GLCCI1: variants seen among roughly 807,000 people sequenced by gnomAD.
GLCCI1 encodes glucocorticoid-induced transcript 1 protein.
A neutral mutation model predicts 52.2 loss-of-function variants in GLCCI1; 24 were observed. The ratio of observed to expected loss-of-function variants is 0.46; its 90% CI spans 0.33 to 0.65. The LOEUF is 0.65. Ranked by LOEUF, GLCCI1 falls within the 30% of genes least tolerant of loss-of-function variation. GLCCI1 has a pLI of 0.02. For missense variants in GLCCI1, 704 were observed against 701.5 expected (o/e 1.00, Z -0.04); for synonymous variants, 310 against 276.5 (o/e 1.12, Z -1.20).
intron 4 of GLCCI1, among the ~76,000 whole-genome samples, chr7:8,057,347 A>G (rs1363932519): frequency 2.0e-5 from 3 of 152,198 alleles, no homozygotes; most frequent in Non-Finnish European, 4.4e-5. Context: ...GTATCCATGC[A>G]TCCATGCAAT....
intron 5 of GLCCI1, among the ~76,000 whole-genome samples, chr7:8,061,807 C>A (rs1313348514): frequency 6.6e-6 from 1 of 151,810 alleles, no homozygotes; most frequent in East Asian, 1.9e-4. Context: ...GCTGGGATTA[C>A]AGGCACACAC....
rs898300755 is a variant in GLCCI1, at chr7:8,074,658, C to T, written c.1177+3527C>T. Among the ~76,000 whole-genome samples, 3 of 152,068 alleles carry T rather than the reference C, an allele frequency of 2.0e-5. No homozygotes were observed. The East Asian group carries it at 5.8e-4, about 29-fold the overall frequency. ...CGAGATCACGTCACTGCATTCCAGC[C>T]TGGGCAACAGAGCAAGAGTCCATCT... On this transcript the variant is annotated intron_variant, in intron 6 of 7. Transcript: ENST00000223145.
At chr7:8,083,102 A>G (rs1180212435) in intron 6 of GLCCI1, among the ~76,000 whole-genome samples, 2 of 152,162 alleles carry the variant, frequency 1.3e-5, no homozygotes, top group East Asian at 3.9e-4. Flanking sequence ...CTCATGCCAT[A>G]TCTACTTGTA....
chr7:8,068,812 G>A (rs76255628), intron 5 of GLCCI1, among the ~76,000 whole-genome samples: 120 of 152,184 alleles, frequency 7.9e-4, no homozygotes, highest in Non-Finnish European at 1.4e-3. Flanking sequence ...TTGACTTTTC[G>A]GGATGTTTTT....
At chr7:7,976,487 A>G (rs1170676479) in intron 1 of GLCCI1, among the ~76,000 whole-genome samples, 5 of 145,008 alleles carry the variant, frequency 3.4e-5, no homozygotes, top group African/African-American at 1.3e-4. Context: ...CTCAAAAAAA[A>G]AAAAAAAAAA....
intron 2 of GLCCI1, among the ~76,000 whole-genome samples, chr7:8,014,424 G>A (rs1041737250): frequency 6.6e-6 from 1 of 152,108 alleles, no homozygotes; most frequent in Non-Finnish European, 1.5e-5. Flanking sequence ...TTTACTAATG[G>A]TTTTTCTTGT....
Position 8,086,632 on chromosome 7 carries a change from C to T in GLCCI1, c.*94C>T. 1 of 919,524 alleles carries T rather than the reference C, an allele frequency of 1.1e-6. No individual in the cohort carries two copies. The highest frequency in any genetic ancestry group is 1.7e-6 in the Non-Finnish European group (1 of 598,178). 57.0% of individuals were successfully genotyped at this position (919,524 alleles called of 1,614,324 possible). Reference sequence around the variant, plus strand: ...TGACAAACTTTCTGAACACCACCACCACCAATAATACTTATCAGCATCATA... The same window carrying T: ...TGACAAACTTTCTGAACACCACCACTACCAATAATACTTATCAGCATCATA... On this transcript the variant is annotated 3_prime_UTR_variant, in exon 8 of 8. Coordinates refer to ENST00000223145, the MANE Select transcript of GLCCI1 (RefSeq NM_138426.4). This position sits in a 1 kb window ranked among gnomAD's most constrained non-coding sequence, Gnocchi z 4.4.
chr7:8,064,891 G>T (rs1161284002), intron 5 of GLCCI1, among the ~76,000 whole-genome samples: 1 of 151,716 alleles, frequency 6.6e-6, no homozygotes, highest in Non-Finnish European at 1.5e-5. Context: ...GGTTTTTTTT[G>T]TATTTTAGTA....
At chr7:8,061,254 C>T (rs113670532) in intron 5 of GLCCI1, among the ~76,000 whole-genome samples, 21,489 of 151,870 alleles carry the variant, frequency 0.14, 1,644 homozygotes, top group Admixed American at 0.19. Context: ...TGCCCGCCAC[C>T]ACACCCGGCT....
At chr7:8,069,998 C>G (rs1217540247) in intron 5 of GLCCI1, 3 of 152,104 alleles carry the variant, frequency 2.0e-5, no homozygotes, top group Non-Finnish European at 4.4e-5. Context: ...ACTTGTTAAC[C>G]TCACTTTGTT....
At chr7:7,998,728 C>T (rs1780994951) in intron 1 of GLCCI1, among the ~76,000 whole-genome samples, 3 of 152,014 alleles carry the variant, frequency 2.0e-5, no homozygotes, top group African/African-American at 7.2e-5. Context: ...AGCTACTGAC[C>T]TTTTGAAGGA....
chr7:8,004,761 TAAAAG>T (rs1331963799), intron 2 of GLCCI1, among the ~76,000 whole-genome samples: 1 of 152,188 alleles, frequency 6.6e-6, no homozygotes, highest in Non-Finnish European at 1.5e-5. Flanking sequence ...TAAAAATTGG[TAAAAG>T]AAGACAGTGT....
chr7:8,021,854 C>A (rs890356074), intron 2 of GLCCI1, among the ~76,000 whole-genome samples: 7 of 152,108 alleles, frequency 4.6e-5, no homozygotes, highest in African/African-American at 1.7e-4. Flanking sequence ...ATTCTGTTTT[C>A]TGACATATGG....
At chr7:8,005,659 G>A (rs1374160401) in intron 2 of GLCCI1, among the ~76,000 whole-genome samples, 2 of 152,084 alleles carry the variant, frequency 1.3e-5, no homozygotes, top group Non-Finnish European at 2.9e-5. Context: ...ACATACATAT[G>A]TATGTATGTA....
chr7:8,058,277 T>C (rs1047614207), intron 4 of GLCCI1, among the ~76,000 whole-genome samples: 1 of 152,180 alleles, frequency 6.6e-6, no homozygotes, highest in South Asian at 2.1e-4. Context: ...ATGGGAAGTC[T>C]TAACACATTA....
In GLCCI1 at chr7:7,969,760, G is replaced by A; in HGVS notation, c.410G>A (p.Arg137Lys). ...RPRRSPESHRRSSSPERRSPG... is the reference protein window; with the variant it reads ...RPRRSPESHRKSSSPERRSPG... ...AGACGGTCCCCAGAGAGCCACCGGA[G>A]GAGCAGCTCACCTGAGAGACGGAGC... Residue 137 changes from arginine to lysine, a missense_variant, in exon 1 of 8, where the codon AGG (arginine) becomes AAG (lysine). Coordinates refer to ENST00000223145, the MANE Select transcript of GLCCI1 (RefSeq NM_138426.4). The surrounding 1 kb of genome is among the most constrained non-coding windows in gnomAD (Gnocchi z 4.9). The A allele has an allele frequency of 1.3e-6, 2 of 1,481,828 alleles. No individual in the cohort carries two copies. The highest frequency in any genetic ancestry group is 2.9e-5 in the East Asian group (1 of 34,032). 91.8% of individuals were successfully genotyped at this position (1,481,828 alleles called of 1,614,324 possible).
chr7:8,034,557 C>A (rs1453290519), intron 3 of GLCCI1, among the ~76,000 whole-genome samples: 2 of 152,126 alleles, frequency 1.3e-5, no homozygotes, highest in African/African-American at 4.8e-5. Flanking sequence ...TGGTAAGACA[C>A]TTGAAGTATT....
At chr7:8,023,633 C>G (rs1264588913) in intron 3 of GLCCI1, among the ~76,000 whole-genome samples, 2 of 80,472 alleles carry the variant, frequency 2.5e-5, no homozygotes, top group Non-Finnish European at 4.7e-5. Context: ...GAATCTCACT[C>G]TGTCACCCAG....
At chr7:8,016,640 A>G (rs975628281) in intron 2 of GLCCI1, among the ~76,000 whole-genome samples, 1 of 152,176 alleles carries the variant, frequency 6.6e-6, no homozygotes, top group African/African-American at 2.4e-5. Context: ...AGGAACCAGT[A>G]TAAACTAAGG....
Sources: allele counts gnomAD v4.1 joint callset (sites outside exome capture counted in the v4.1 genomes callset), GRCh38; gene constraint gnomAD v4.1.1; non-coding constraint Gnocchi (gnomAD v3.1); transcripts MANE v1.5; gene names NCBI Gene and HGNC (gene_info 2026-07-23, HGNC 2026-07-21).